Variants in PAPPA2 observed in about 807,000 individuals in gnomAD.
The protein encoded by PAPPA2 is pappalysin 2.
PAPPA2 carries 86 observed loss-of-function variants against 176.4 expected under a neutral mutation model. That is an observed-to-expected ratio of 0.49 (90% CI 0.41 to 0.58). The LOEUF is 0.58. Among genes scored for constraint, PAPPA2 ranks in the 20% least tolerant of loss-of-function variants. The probability of loss-of-function intolerance (pLI) is 0.00; values close to 1 mark genes in which losing one functional copy is unlikely to be tolerated. For missense variants in PAPPA2, 2,073 were observed against 2,256.9 expected (o/e 0.92, Z 1.65); for synonymous variants, 809 against 852.2 (o/e 0.95, Z 0.88).
chr1:176,796,847 C>A, intron 20 of PAPPA2, among the ~76,000 whole-genome samples: 1 of 150,910 alleles, frequency 6.6e-6, no homozygotes, highest in East Asian at 1.9e-4. Context: ...CTGACCCCCT[C>A]TCTCTCTCCC....
chr1:176,472,474 C>T (rs1651926103), intron 1 of PAPPA2, among the ~76,000 whole-genome samples: 1 of 152,110 alleles, frequency 6.6e-6, no homozygotes, highest in African/African-American at 2.4e-5. Flanking sequence ...ACAAGTCAGT[C>T]TAGGCTCATC....
chr1:176,706,537 C>A, intron 10 of PAPPA2, 87 bp downstream of exon 10: 2 of 1,127,580 alleles, frequency 1.8e-6, no homozygotes, highest in Non-Finnish European at 2.6e-6. Flanking sequence ...TAACATCTAG[C>A]TTAGTGATTA....
chr1:176,588,400 A>G (rs755697816), intron 2 of PAPPA2, among the ~76,000 whole-genome samples: 23 of 152,138 alleles, frequency 1.5e-4, no homozygotes, highest in Non-Finnish European at 3.2e-4. Context: ...AATACCCTTT[A>G]TTTCTATCTC....
At chr1:176,732,372 T>C (rs1009064543) in intron 12 of PAPPA2, among the ~76,000 whole-genome samples, 1 of 152,220 alleles carries the variant, frequency 6.6e-6, no homozygotes, top group Non-Finnish European at 1.5e-5. Context: ...AGTGACCTTA[T>C]AAAAATCATA....
At chr1:176,597,447 C>T (rs933912236) in intron 3 of PAPPA2, among the ~76,000 whole-genome samples, 4 of 151,928 alleles carry the variant, frequency 2.6e-5, no homozygotes, top group African/African-American at 4.8e-5. Context: ...ATCAAATTAT[C>T]AGAACTACTT....
In PAPPA2 at chr1:176,594,564, C is replaced by T. The variant is rs761986692; in HGVS notation, c.960C>T (p.Gly320=). The change falls in exon 3 of 23, where the codon GGC becomes GGT. Residue 320 remains glycine (G), a synonymous_variant. Coordinates refer to ENST00000367662, the MANE Select transcript of PAPPA2 (RefSeq NM_020318.3). ...GCTCCCACACTGTCAGTGACAAAGGCTGGGCCCTGGGGATCCGCTCAGGGA... is the reference window on the plus strand; with the variant it reads ...GCTCCCACACTGTCAGTGACAAAGGTTGGGCCCTGGGGATCCGCTCAGGGA... ...DNCSHTVSDK[G]WALGIRSGKD... 4 of 1,614,142 alleles carry T rather than the reference C, an allele frequency of 2.5e-6. No individual in the cohort carries two copies. The highest frequency in any genetic ancestry group is 1.1e-5 in the South Asian group (1 of 91,070).
intron 2 of PAPPA2, among the ~76,000 whole-genome samples, chr1:176,585,102 A>T (rs1344824730): frequency 1.3e-5 from 2 of 152,296 alleles, no homozygotes; most frequent in East Asian, 3.9e-4. Context: ...TGTTTTCATG[A>T]ACACATGCAG....
chr1:176,642,992 G>A (rs567839627), intron 3 of PAPPA2, among the ~76,000 whole-genome samples: 7 of 151,756 alleles, frequency 4.6e-5, no homozygotes, highest in Non-Finnish European at 8.8e-5. Context: ...CCTTTTCTGG[G>A]TGTCAGTTTT....
intron 1 of PAPPA2, among the ~76,000 whole-genome samples, chr1:176,492,440 T>A (rs918215309): frequency 3.3e-5 from 5 of 152,232 alleles, no homozygotes; most frequent in Non-Finnish European, 5.9e-5. Context: ...ATATAGTTAG[T>A]CAGTGGAAGA....
At chr1:176,529,619 C>T (rs1320750605) in intron 1 of PAPPA2, among the ~76,000 whole-genome samples, 1 of 152,214 alleles carries the variant, frequency 6.6e-6, no homozygotes, top group Non-Finnish European at 1.5e-5. Context: ...GAGCCCAGTG[C>T]TGCCTTCCCT....
At chr1:176,557,348 G>T (rs1334436170) in intron 2 of PAPPA2, 107 bp downstream of exon 2, 1 of 1,283,384 alleles carries the variant, frequency 7.8e-7, no homozygotes, top group African/African-American at 1.5e-5. Context: ...CAACAGGAAA[G>T]CCAGAAAGGG....
chr1:176,815,847 C>T (rs1666355392), intron 21 of PAPPA2, among the ~76,000 whole-genome samples: 1 of 151,976 alleles, frequency 6.6e-6, no homozygotes, highest in Admixed American at 6.6e-5. Context: ...TCCACTGAAT[C>T]CACAATTTAG....
At chr1:176,624,087 T>C (rs1412665516) in intron 3 of PAPPA2, among the ~76,000 whole-genome samples, 2 of 152,126 alleles carry the variant, frequency 1.3e-5, no homozygotes, top group Non-Finnish European at 2.9e-5. Flanking sequence ...ACGGATGAGA[T>C]AGCTGTCCTG....
chr1:176,761,369 AT>A (rs1663692203), intron 14 of PAPPA2, among the ~76,000 whole-genome samples: 1 of 152,216 alleles, frequency 6.6e-6, no homozygotes, highest in African/African-American at 2.4e-5. Flanking sequence ...GACAAGGTAC[AT>A]CATATTCTTA....
intron 21 of PAPPA2, among the ~76,000 whole-genome samples, chr1:176,817,532 C>T (rs769401456): frequency 2.6e-4 from 39 of 152,008 alleles, no homozygotes; most frequent in Non-Finnish European, 2.1e-4. Context: ...GGTTAGGAGA[C>T]GGTGTCCGTA....
chr1:176,675,247 T>C (rs1180132026), intron 4 of PAPPA2, among the ~76,000 whole-genome samples: 2 of 152,114 alleles, frequency 1.3e-5, no homozygotes, highest in Non-Finnish European at 2.9e-5. Flanking sequence ...CAAAAGCCTC[T>C]ATGATTGTTC....
chr1:176,774,476 C>T (rs1253664083), intron 17 of PAPPA2, among the ~76,000 whole-genome samples: 1 of 152,186 alleles, frequency 6.6e-6, no homozygotes, highest in Admixed American at 6.5e-5. Context: ...GGTGCCTGCA[C>T]ATCACCTGAG....
chr1:176,711,290 G>A (rs189406229), intron 11 of PAPPA2, among the ~76,000 whole-genome samples: 76 of 152,260 alleles, frequency 5.0e-4, no homozygotes, highest in African/African-American at 1.8e-3. Context: ...TCAAGTCCTG[G>A]CATCCGATGA....
At chr1:176,732,389 C>T (rs1421693702) in intron 12 of PAPPA2, among the ~76,000 whole-genome samples, 1 of 152,146 alleles carries the variant, frequency 6.6e-6, no homozygotes, top group Admixed American at 6.5e-5. Flanking sequence ...CATATTACCT[C>T]TCTGGGCATT....
Sources: gnomAD v4.1 joint callset for allele counts (sites outside exome capture counted in the v4.1 genomes callset) on GRCh38, gnomAD v4.1.1 for gene constraint, MANE v1.5 for transcripts, NCBI Gene and HGNC (gene_info 2026-07-23, HGNC 2026-07-21) for gene names.